Variants in VAV2 observed in about 807,000 individuals in gnomAD.
VAV2 encodes the protein vav guanine nucleotide exchange factor 2.
A neutral mutation model predicts 132.5 loss-of-function variants in VAV2; 67 were observed. That is an observed-to-expected ratio of 0.51 (90% CI 0.42 to 0.62). VAV2 has a LOEUF of 0.62. VAV2 is among the 20% of genes least tolerant of loss of function. VAV2 has a pLI of 0.00. For synonymous variants in VAV2, 492 were observed against 443.5 expected (o/e 1.11, Z -1.37); for missense variants, 938 against 1,153.6 (o/e 0.81, Z 2.71).
intron 2 of VAV2, among the ~76,000 whole-genome samples, chr9:133,914,608 C>G (rs1839992579): frequency 1.1e-5 from 1 of 93,156 alleles, no homozygotes; most frequent in Non-Finnish European, 2.0e-5. Flanking sequence ...TTCCTACCAC[C>G]AGAGAGAGAG....
intron 2 of VAV2, among the ~76,000 whole-genome samples, chr9:133,920,356 A>T (rs781068527): frequency 1.4e-4 from 22 of 152,234 alleles, no homozygotes; most frequent in Non-Finnish European, 2.9e-4. Flanking sequence ...TTCGCCAGCC[A>T]TGTGAGCACC....
At chr9:133,817,379 G>A (rs7026306) in intron 4 of VAV2, among the ~76,000 whole-genome samples, 26,925 of 152,028 alleles carry the variant, frequency 0.18, 2,577 homozygotes, top group African/African-American at 0.24. Flanking sequence ...CCAGCCTGGC[G>A]TGGTGGCGCA....
rs562236042 is a variant in VAV2, at chr9:133,969,767, C to T, written c.204+22308G>A. On this transcript the variant is annotated intron_variant, in intron 1 of 29. Coordinates refer to ENST00000371850, the MANE Select transcript of VAV2 (RefSeq NM_001134398.2). This position sits in a 1 kb window ranked among gnomAD's most constrained non-coding sequence, Gnocchi z 5.1. ...CGGGGCCGTCCATCTCTCTCCATTC[C>T]CACTTCTCTCCCCACCCCCCAGCCT... Among the ~76,000 whole-genome samples the T allele has an allele frequency of 1.6e-3, 245 of 152,260 alleles. 1 individual carries two copies. The highest frequency in any genetic ancestry group is 2.9e-3 in the Non-Finnish European group (195 of 67,998).
chr9:133,789,055 A>G (rs139153725), intron 14 of VAV2, among the ~76,000 whole-genome samples: 1,677 of 152,332 alleles, frequency 0.011, 31 homozygotes, highest in Admixed American at 0.045. Context: ...TGCCCGCCAC[A>G]GGCACAAAAG....
chr9:133,816,294 T>G (rs373773376), intron 4 of VAV2, among the ~76,000 whole-genome samples: 1 of 152,348 alleles, frequency 6.6e-6, no homozygotes, highest in Non-Finnish European at 1.5e-5. Context: ...CTTAATGATA[T>G]TCAAGCATTC....
At chr9:133,844,009 G>A (rs1836830696) in intron 3 of VAV2, among the ~76,000 whole-genome samples, 1 of 152,148 alleles carries the variant, frequency 6.6e-6, no homozygotes, top group African/African-American at 2.4e-5. Flanking sequence ...ATACACCAGA[G>A]CCCCAGAGGA....
At chr9:133,970,290 G>C (rs1046082857) in intron 1 of VAV2, among the ~76,000 whole-genome samples, 1 of 152,162 alleles carries the variant, frequency 6.6e-6, no homozygotes, top group Non-Finnish European at 1.5e-5. Flanking sequence ...GCGATGTGAG[G>C]AAAACCCCCG....
chr9:133,791,449 C>T (rs1588178753), intron 13 of VAV2, among the ~76,000 whole-genome samples: 1 of 152,144 alleles, frequency 6.6e-6, no homozygotes, highest in Non-Finnish European at 1.5e-5. Flanking sequence ...CAGTTCTCCT[C>T]TTGGACTTGA....
At chr9:133,903,672 G>C (rs1303327612) in intron 2 of VAV2, among the ~76,000 whole-genome samples, 1 of 152,168 alleles carries the variant, frequency 6.6e-6, no homozygotes, top group Non-Finnish European at 1.5e-5. Context: ...ATTTAGCAAA[G>C]GTCTACCCCT....
chr9:133,929,637 A>G (rs1178535525), intron 2 of VAV2, among the ~76,000 whole-genome samples: 1 of 152,138 alleles, frequency 6.6e-6, no homozygotes, highest in African/African-American at 2.4e-5. Context: ...CGCAAAAGCC[A>G]AGGGGCCTCT....
At chr9:133,890,859 T>C (rs935723398) in intron 2 of VAV2, among the ~76,000 whole-genome samples, 1 of 152,114 alleles carries the variant, frequency 6.6e-6, no homozygotes, top group African/African-American at 2.4e-5. Flanking sequence ...GTGGGGACTA[T>C]GGCACTGCCT....
intron 3 of VAV2, among the ~76,000 whole-genome samples, chr9:133,860,475 C>T (rs1166428774): frequency 6.6e-6 from 1 of 152,124 alleles, no homozygotes; most frequent in Non-Finnish European, 1.5e-5. Context: ...GGGGCAACTG[C>T]GCCACCCAAA....
At position 133,939,098 on chromosome 9, in the gene VAV2, C is replaced by T; in HGVS notation, c.321+5G>A. The T allele has an allele frequency of 1.9e-6, 3 of 1,613,596 alleles. No homozygotes were observed. Among genetic ancestry groups the T allele is most frequent in the Non-Finnish European group, 2.5e-6 (3 of 1,179,450 alleles). On this transcript the variant is annotated splice_donor_5th_base_variant and intron_variant, in intron 2 of 29. Transcript: ENST00000371850. The stretch of plus-strand genomic sequence containing the variant: ...CGACCGAGGCTGGAGAGAGTGACTG[C>T]TCACCTTTCCAAAGTCTCGCACATC...
rs143826535 is a variant in VAV2, at chr9:133,794,495, G to A, written c.1101+1173C>T. On this transcript the variant is annotated intron_variant, in intron 12 of 29. Coordinates refer to ENST00000371850, the MANE Select transcript of VAV2 (RefSeq NM_001134398.2). The surrounding 1 kb of genome is among the most constrained non-coding windows in gnomAD (Gnocchi z 4.6). ...GCGGCCAAGCACTGGCCCCACTCCC[G>A]TCCCAGCCCAACAGCAGCTATAGAC... 1.3e-3 allele frequency among the ~76,000 whole-genome samples: 203 copies of A among 152,246 alleles called. No individual in the cohort carries two copies. Among genetic ancestry groups the A allele is most frequent in the African/African-American group, 4.4e-3 (182 of 41,566 alleles).
chr9:133,936,007 G>C (rs925055579), intron 2 of VAV2, among the ~76,000 whole-genome samples: 9 of 152,278 alleles, frequency 5.9e-5, no homozygotes, highest in Admixed American at 5.2e-4. Context: ...CCAGAGTGGC[G>C]GGGCCCTGGG....
chr9:133,908,178 G>A (rs932894927), intron 2 of VAV2, among the ~76,000 whole-genome samples: 1 of 151,640 alleles, frequency 6.6e-6, no homozygotes, highest in African/African-American at 2.4e-5. Context: ...GCTAAAGTGA[G>A]GGGTAGCCCT....
intron 16 of VAV2, among the ~76,000 whole-genome samples, chr9:133,786,306 A>C (rs2073910): frequency 0.58 from 87,959 of 152,140 alleles, 25,603 homozygotes; most frequent in Middle Eastern, 0.6. Context: ...ACACACATGT[A>C]CTAACACGTA....
rs773055597 is a variant in VAV2 at position 133,772,078 on chromosome 9, C to A, written c.2136-32G>T. 5.6e-6 allele frequency: 9 copies of A among 1,597,012 alleles called. No homozygotes were observed. In the East Asian group the frequency reaches 2.0e-4, roughly 36 times the overall value. ...AAACACACGGCCCCGGCGGTCACCGCGTGAGGGCCACACGGCCCCGGCCCC... is the reference window on the plus strand; with the variant it reads ...AAACACACGGCCCCGGCGGTCACCGAGTGAGGGCCACACGGCCCCGGCCCC... On this transcript the variant is annotated intron_variant, in intron 25 of 29. Coordinates refer to ENST00000371850, the MANE Select transcript of VAV2 (RefSeq NM_001134398.2).
rs547672073 is a variant in VAV2, at chr9:133,954,803, G to A, written c.205-15584C>T. On this transcript the variant is annotated intron_variant, in intron 1 of 29. Transcript: ENST00000371850. ...GTATGTGTGCATGCTCATGATGTATGTACCAGTGTATGTATGTGCAGTGTG... is the reference window on the plus strand; with the variant it reads ...GTATGTGTGCATGCTCATGATGTATATACCAGTGTATGTATGTGCAGTGTG... 6.6e-5 allele frequency among the ~76,000 whole-genome samples: 10 copies of A among 152,264 alleles called. 1 individual carries two copies. The highest frequency in any genetic ancestry group is 2.2e-4 in the African/African-American group (9 of 41,530).
Sources: allele counts gnomAD v4.1 joint callset (sites outside exome capture counted in the v4.1 genomes callset), GRCh38; gene constraint gnomAD v4.1.1; non-coding constraint Gnocchi (gnomAD v3.1); transcripts MANE v1.5; gene names NCBI Gene and HGNC (gene_info 2026-07-23, HGNC 2026-07-21).